The following PLCG2 variants were observed in gnomAD, a reference collection of about 807,000 sequenced individuals.
The protein encoded by PLCG2 is 1-phosphatidylinositol 4,5-bisphosphate phosphodiesterase gamma-2.
Under a neutral mutation model 175.6 loss-of-function variants are expected in PLCG2, and 69 were observed. The ratio of observed to expected loss-of-function variants is 0.39; its 90% confidence interval spans 0.32 to 0.48. The LOEUF is 0.48. PLCG2 is among the 20% of genes least tolerant of loss of function. The probability of loss-of-function intolerance (pLI) is 0.91; values close to 1 mark genes in which losing one functional copy is unlikely to be tolerated. For synonymous variants in PLCG2, 827 were observed against 624.0 expected (o/e 1.33, Z -4.85); for missense variants, 1,798 against 1,650.9 (o/e 1.09, Z -1.54).
chr16:81,874,966 T>TTTTTTTATTTTA (rs1907705142), intron 7 of PLCG2, among the ~76,000 whole-genome samples: 1 of 144,346 alleles, frequency 6.9e-6, no homozygotes, highest in African/African-American at 2.6e-5. Flanking sequence ...TTTTTTTTTT[T>TTTTTTTATTTTA]TTTTTTTTTT....
intron 5 of PLCG2, among the ~76,000 whole-genome samples, chr16:81,861,357 T>G (rs1906971228): frequency 6.6e-6 from 1 of 152,358 alleles, no homozygotes; most frequent in African/African-American, 2.4e-5. Flanking sequence ...GTCTGGTCAG[T>G]GTCCTCTGTT....
chr16:81,891,533 A>G lies in PLCG2; in HGVS notation c.929A>G (p.Asp310Gly). The change falls in exon 11 of 33, where the codon GAC becomes GGC. Residue 310 changes from aspartate to glycine, a missense_variant. Coordinates refer to ENST00000564138, the MANE Select transcript of PLCG2 (RefSeq NM_002661.5). ...TGGGATGAGAAGTATGACGCGGTGG[A>G]CATGCAGGACATGAACAACCCCCTG... The part of the protein sequence containing the change: ...SIWDEKYDAV[D>G]MQDMNNPLSH... The G allele has an allele frequency of 1.2e-6, 2 of 1,612,592 alleles. No homozygotes were observed. Among genetic ancestry groups the G allele is most frequent in the Non-Finnish European group, 1.7e-6 (2 of 1,178,636 alleles).
intron 2 of PLCG2, among the ~76,000 whole-genome samples, chr16:81,835,683 G>A (rs1227316284): frequency 6.6e-6 from 1 of 152,186 alleles, no homozygotes; most frequent in East Asian, 1.9e-4. Flanking sequence ...CATAACACAA[G>A]TGCCACAAAA....
chr16:81,853,371 C>T (rs891449033), intron 2 of PLCG2, among the ~76,000 whole-genome samples: 1 of 151,974 alleles, frequency 6.6e-6, no homozygotes, highest in Admixed American at 6.6e-5. Flanking sequence ...CCATTAGACC[C>T]TGAACTGGTA....
chr16:81,857,685 C>G (rs534880756), intron 3 of PLCG2, among the ~76,000 whole-genome samples: 1 of 152,192 alleles, frequency 6.6e-6, no homozygotes, highest in Non-Finnish European at 1.5e-5. Flanking sequence ...AGGCCCCACT[C>G]TCATTACTTC....
intron 1 of PLCG2, among the ~76,000 whole-genome samples, chr16:81,745,459 G>A (rs1173840305): frequency 6.6e-6 from 1 of 152,148 alleles, no homozygotes; most frequent in Non-Finnish European, 1.5e-5. Flanking sequence ...ACTCAGGGTT[G>A]CATTCAACAT....
intron 2 of PLCG2, among the ~76,000 whole-genome samples, chr16:81,821,906 G>C (rs1365246506): frequency 6.6e-6 from 1 of 151,536 alleles, no homozygotes; most frequent in African/African-American, 2.4e-5. Context: ...CAAAGAGAGA[G>C]CCAGACAGGC....
chr16:81,855,747 G>A (rs1217062566), intron 3 of PLCG2, among the ~76,000 whole-genome samples: 1 of 152,186 alleles, frequency 6.6e-6, no homozygotes, highest in East Asian at 1.9e-4. Context: ...ATTGGGTTTT[G>A]AGGCTTCAGT....
In PLCG2 at chr16:81,783,663, C is replaced by G. The variant is rs544887784; in HGVS notation, c.-47-2280C>G. ...TCCCATTGAGATAAATGAGACGAAC[C>G]AGACACAACAGGTGCTTGGCACCTG... On this transcript the variant is annotated intron_variant, in intron 1 of 32. Coordinates refer to ENST00000564138, the MANE Select transcript of PLCG2 (RefSeq NM_002661.5). Among the ~76,000 whole-genome samples the G allele has an allele frequency of 2.0e-5, 3 of 152,272 alleles. No homozygotes were observed. In the South Asian group the frequency reaches 6.2e-4, roughly 32 times the overall value.
At chr16:81,954,916 C>T (rs1348879899) in intron 31 of PLCG2, among the ~76,000 whole-genome samples, 1 of 152,212 alleles carries the variant, frequency 6.6e-6, no homozygotes, top group African/African-American at 2.4e-5. Context: ...AACCACCATA[C>T]TGTCTTCCAC....
chr16:81,789,156 A>C (rs1290563554), intron 2 of PLCG2, among the ~76,000 whole-genome samples: 2 of 152,218 alleles, frequency 1.3e-5, no homozygotes, highest in Non-Finnish European at 2.9e-5. Flanking sequence ...ACAAAAAAGA[A>C]ATTACAGGGT....
intron 2 of PLCG2, among the ~76,000 whole-genome samples, chr16:81,812,915 C>G (rs1487034209): frequency 6.6e-6 from 1 of 152,104 alleles, no homozygotes; most frequent in Non-Finnish European, 1.5e-5. Flanking sequence ...TTCCCAACAC[C>G]ATTTATTAAG....
intron 18 of PLCG2, among the ~76,000 whole-genome samples, chr16:81,911,450 T>C (rs940258816): frequency 1.3e-5 from 2 of 152,114 alleles, no homozygotes; most frequent in Non-Finnish European, 1.5e-5. Flanking sequence ...GATGAATCAA[T>C]TTTTTGAGAC....
intron 13 of PLCG2, among the ~76,000 whole-genome samples, chr16:81,899,607 A>G (rs34640368): frequency 0.34 from 51,539 of 152,022 alleles, 10,722 homozygotes; most frequent in East Asian, 0.72. Flanking sequence ...TGTCCTCACC[A>G]TCTGTTGACT....
chr16:81,894,021 G>C (rs570482634), intron 12 of PLCG2, among the ~76,000 whole-genome samples: 1 of 139,812 alleles, frequency 7.2e-6, no homozygotes, highest in East Asian at 2.1e-4. Context: ...GCTTCCTCCT[G>C]GGCTGGTATT....
rs142470341 is a variant in PLCG2, at chr16:81,855,464, G to A, written c.337+877G>A. Among the ~76,000 whole-genome samples the A allele has an allele frequency of 9.6e-4, 146 of 152,326 alleles. 1 individual carries two copies. The East Asian group carries it at 0.017, about 18-fold the overall frequency. On this transcript the variant is annotated intron_variant, in intron 3 of 32. Transcript: ENST00000564138. ...AGTGGGTGAGGCAGCTGTCAAAGTT[G>A]AGCAATATAGGGACATTTACTTTTC...
intron 2 of PLCG2, among the ~76,000 whole-genome samples, chr16:81,788,010 A>G (rs1301237778): frequency 6.6e-6 from 1 of 152,200 alleles, no homozygotes; most frequent in East Asian, 1.9e-4. Flanking sequence ...GCTAATATAA[A>G]TAGTGCTGCT....
intron 31 of PLCG2, among the ~76,000 whole-genome samples, chr16:81,954,839 C>T (rs919925808): frequency 2.6e-5 from 4 of 152,080 alleles, no homozygotes; most frequent in Admixed American, 6.5e-5. Flanking sequence ...ATTTATATTC[C>T]TTTGGGTACA....
chr16:81,857,399 A>G (rs1196835791), intron 3 of PLCG2, among the ~76,000 whole-genome samples: 1 of 152,202 alleles, frequency 6.6e-6, no homozygotes, highest in African/African-American at 2.4e-5. Context: ...AAAATCCTGT[A>G]TCTTCCACTG....
Sources: allele counts gnomAD v4.1 joint callset (sites outside exome capture counted in the v4.1 genomes callset), GRCh38; gene constraint gnomAD v4.1.1; transcripts MANE v1.5; gene names NCBI Gene and HGNC (gene_info 2026-07-23, HGNC 2026-07-21).